DBN1: variants seen among roughly 807,000 people sequenced by gnomAD.
DBN1 encodes drebrin 1.
DBN1 carries 21 observed loss-of-function variants against 83.5 expected under a neutral mutation model. The ratio of observed to expected loss-of-function variants is 0.25; its 90% CI spans 0.18 to 0.36. DBN1 has a LOEUF of 0.36. Ranked by LOEUF, DBN1 falls within the 10% of genes least tolerant of loss-of-function variation. The pLI is 1.00. For synonymous variants in DBN1, 381 were observed against 384.9 expected (o/e 0.99, Z 0.12); for missense variants, 874 against 935.7 (o/e 0.93, Z 0.86).
At chr5:177,471,303 G>A (rs936501691) in intron 1 of DBN1, among the ~76,000 whole-genome samples, 1 of 152,038 alleles carries the variant, frequency 6.6e-6, no homozygotes, top group Non-Finnish European at 1.5e-5. Flanking sequence ...AGAGGACCAG[G>A]AACTTGTGTA....
chr5:177,457,278 T>C lies in DBN1; in HGVS notation c.*155A>G. The C allele has an allele frequency of 1.5e-6, 1 of 685,132 alleles. No homozygotes were observed. The allele number at this position is 685,132 out of a possible 1,614,324, so 42.4% of individuals were successfully genotyped here. ...GAGAAAAGCTGTAAAAGTCAGGCCC[T>C]GTGGGTAGGGAAGCGGCCAAGTCCC... On this transcript the variant is annotated 3_prime_UTR_variant, in exon 15 of 15. Coordinates refer to ENST00000393565, the MANE Select transcript of DBN1 (RefSeq NM_001363541.2).
intron 8 of DBN1, among the ~76,000 whole-genome samples, chr5:177,462,007 G>A (rs1236464576): frequency 6.6e-6 from 1 of 152,300 alleles, no homozygotes; most frequent in South Asian, 2.1e-4. Context: ...CTGCAAGCCC[G>A]GAGCAGCCAT....
At chr5:177,460,087 C>G (rs1445165511) in intron 10 of DBN1, among the ~76,000 whole-genome samples, 1 of 152,208 alleles carries the variant, frequency 6.6e-6, no homozygotes, top group East Asian at 1.9e-4. Context: ...TCCCTCAGGC[C>G]CGGGGCAAGA....
chr5:177,461,017 G>T (rs1055038326), intron 8 of DBN1, among the ~76,000 whole-genome samples: 4 of 151,774 alleles, frequency 2.6e-5, no homozygotes, highest in African/African-American at 9.7e-5. Context: ...GGGCTGAAGG[G>T]ATCCTCCTGC....
rs748935744 is a variant in DBN1, at chr5:177,458,432, C to G, written c.1540G>C (p.Val514Leu). 2 of 1,614,160 alleles carry G rather than the reference C, an allele frequency of 1.2e-6. No individual in the cohort carries two copies. Among genetic ancestry groups the G allele is most frequent in the East Asian group, 2.2e-5 (1 of 44,886 alleles). Residue 514 changes from valine to leucine, a missense_variant, in exon 13 of 15, where the codon GTA becomes CTA. Transcript: ENST00000393565. ...ATADTTVANN[V>L]PPAATSLIDL... ...ATGAGGCTGGTGGCGGCGGGGGGTA[C>G]GTTGTTGGCAACAGTGGTGTCAGCA...
Position 177,473,533 on chromosome 5 carries a change from G to T in DBN1, c.-12C>A, listed in dbSNP as rs947015062. Reference sequence around the variant, plus strand: ...CTGACGCCGGCCATGCTTCGGGCCGGACCGGGCCGAACGGACAGACGCGCG... The same window carrying T: ...CTGACGCCGGCCATGCTTCGGGCCGTACCGGGCCGAACGGACAGACGCGCG... On this transcript the variant is annotated 5_prime_UTR_variant, in exon 1 of 15. Coordinates refer to ENST00000393565, the MANE Select transcript of DBN1 (RefSeq NM_001363541.2). 1 of 1,393,032 alleles carries T rather than the reference G, an allele frequency of 7.2e-7. No individual in the cohort carries two copies. The highest frequency in any genetic ancestry group is 9.4e-7 in the Non-Finnish European group (1 of 1,063,046). 86.3% of individuals were successfully genotyped at this position (1,393,032 alleles called of 1,614,324 possible).
At chr5:177,468,319 C>A (rs1757613126) in intron 2 of DBN1, 99 bp from the exon 3 acceptor site, 3 of 1,058,774 alleles carry the variant, frequency 2.8e-6, no homozygotes, top group Admixed American at 1.8e-5. Context: ...CCTCCACAGG[C>A]ACCCCCAGGG....
chr5:177,464,602 A>ACAAT (rs1757281284), intron 8 of DBN1, among the ~76,000 whole-genome samples: 1 of 120,818 alleles, frequency 8.3e-6, no homozygotes, highest in South Asian at 2.8e-4. Context: ...TACTAAAAAG[A>ACAAT]CAATAAATAA....
At position 177,460,517 on chromosome 5, in the gene DBN1, T is replaced by G; in HGVS notation, c.870A>C (p.Pro290=). The change falls in exon 10 of 15, where the codon CCA becomes CCC. Residue 290 remains proline, a synonymous_variant. Transcript: ENST00000393565. ...AAIIAQRPDN[P]REFFKQQERV... is the part of the protein sequence containing the mutation. ...TTTCCTGCTGCTTGAAGAACTCCCTTGGGTTGTCAGGCCGCTGGGCAATAA... is the reference window on the plus strand; with the variant it reads ...TTTCCTGCTGCTTGAAGAACTCCCTGGGGTTGTCAGGCCGCTGGGCAATAA... 6.2e-7 allele frequency: 1 copy of G among 1,614,128 alleles called. No homozygotes were observed. Among genetic ancestry groups the G allele is most frequent in the Non-Finnish European group, 8.5e-7 (1 of 1,179,992 alleles).
rs1756556604 is a variant in DBN1, at chr5:177,457,130, GGGA to G, written c.*300_*302del. 2.3e-6 allele frequency: 1 copy of G among 439,856 alleles called. No homozygotes were observed. The highest frequency in any genetic ancestry group is 4.1e-6 in the Non-Finnish European group (1 of 242,406). 27.2% of individuals were successfully genotyped at this position (439,856 alleles called of 1,614,324 possible). On this transcript the variant is annotated 3_prime_UTR_variant, in exon 15 of 15. Transcript: ENST00000393565. Reference sequence around the variant, plus strand: ...GGCCTCCAACCCGGCCAGCTGAGCAGGGAGGACTAAGAGCTACAATCTGGACCA... The same window carrying G: ...GGCCTCCAACCCGGCCAGCTGAGCAGGGACTAAGAGCTACAATCTGGACCA...
At chr5:177,457,593 T>C (rs943670756) in intron 14 of DBN1, 62 bp downstream of exon 14, 1 of 1,524,530 alleles carries the variant, frequency 6.6e-7, no homozygotes, top group Non-Finnish European at 9.1e-7. Context: ...GTGGGGTGGC[T>C]ACCCACACTC....
At chr5:177,462,262 G>A (rs752651275) in intron 8 of DBN1, 1 of 984,834 alleles carries the variant, frequency 1.0e-6, no homozygotes, top group Non-Finnish European at 1.2e-6. Context: ...TCCTCAGCAC[G>A]ACGCAGTCAG....
intron 2 of DBN1, 82 bp downstream of exon 2, chr5:177,468,762 G>T: frequency 1.1e-6 from 1 of 936,618 alleles, no homozygotes; most frequent in Non-Finnish European, 1.5e-6. Context: ...CAGGGAGGTG[G>T]CCTACAGCCA....
chr5:177,472,417 G>C (rs185987520), intron 1 of DBN1: 14 of 1,417,576 alleles, frequency 9.9e-6, no homozygotes, highest in East Asian at 5.7e-5. Flanking sequence ...GAGTATTACG[G>C]GGGGGTTAAA....
rs535086696 is a variant in DBN1 at position 177,461,320 on chromosome 5, G to T, written c.772-617C>A. On this transcript the variant is annotated intron_variant, in intron 8 of 14. Transcript: ENST00000393565. ...TCACCGTTTTAGCCGGGATGGTCTC[G>T]ATCTCCTGACCTCGTGATCCGCCCG... Among the ~76,000 whole-genome samples, 25 of 150,750 alleles carry T rather than the reference G, an allele frequency of 1.7e-4. No homozygotes were observed. In the East Asian group the frequency reaches 4.7e-3, roughly 28 times the overall value.
chr5:177,457,941 C>CA, intron 13 of DBN1, 117 bp downstream of exon 13: 1 of 1,478,062 alleles, frequency 6.8e-7, no homozygotes. Context: ...GACTTCCCCT[C>CA]AAATAATGTG....
At chr5:177,472,033 A>G in intron 1 of DBN1, 1 of 1,467,670 alleles carries the variant, frequency 6.8e-7, no homozygotes, top group South Asian at 1.3e-5. Flanking sequence ...AGCTCCTCCC[A>G]TGATCTCAGC....
Position 177,466,660 on chromosome 5 carries a change from C to G in DBN1, c.771+112G>C. 1 of 1,270,224 alleles carries G rather than the reference C, an allele frequency of 7.9e-7. No individual in the cohort carries two copies. Among genetic ancestry groups the G allele is most frequent in the Non-Finnish European group, 1.2e-6 (1 of 868,972 alleles). 78.7% of individuals were successfully genotyped at this position (1,270,224 alleles called of 1,614,324 possible). On this transcript the variant is annotated intron_variant, in intron 8 of 14. Transcript: ENST00000393565. This position sits in a 1 kb window ranked among gnomAD's most constrained non-coding sequence, Gnocchi z 4.8. ...GGCACCCTGTGCCCATGCAGCTCCCCAGAACAGCCACCACTGTCCCTGAGC... is the reference window on the plus strand; with the variant it reads ...GGCACCCTGTGCCCATGCAGCTCCCGAGAACAGCCACCACTGTCCCTGAGC...
At chr5:177,469,657 G>C (rs1757706565) in intron 1 of DBN1, among the ~76,000 whole-genome samples, 1 of 152,192 alleles carries the variant, frequency 6.6e-6, no homozygotes, top group African/African-American at 2.4e-5. Flanking sequence ...AAGCTGACCT[G>C]GTGGCCTTCC....
Sources: gnomAD v4.1 joint callset for allele counts (sites outside exome capture counted in the v4.1 genomes callset) on GRCh38, gnomAD v4.1.1 for gene constraint, Gnocchi (gnomAD v3.1) non-coding constraint, MANE v1.5 for transcripts, NCBI Gene and HGNC (gene_info 2026-07-23, HGNC 2026-07-21) for gene names.